DNER: variants seen among roughly 807,000 people sequenced by gnomAD.
The protein encoded by DNER is delta and Notch-like epidermal growth factor-related receptor.
A neutral mutation model predicts 78.2 loss-of-function variants in DNER; 33 were observed. The observed-to-expected ratio is 0.42, with a 90% CI of 0.32 to 0.56. DNER has a LOEUF of 0.56. DNER is among the 20% of genes least tolerant of loss of function. The pLI is 0.11. For synonymous variants in DNER, 417 were observed against 384.8 expected (o/e 1.08, Z -0.98); for missense variants, 918 against 975.3 (o/e 0.94, Z 0.78).
At chr2:229,514,511 T>C (rs1022193561) in intron 5 of DNER, among the ~76,000 whole-genome samples, 1 of 152,232 alleles carries the variant, frequency 6.6e-6, no homozygotes, top group Non-Finnish European at 1.5e-5. Context: ...GAATCATCTA[T>C]TGTTTTCATC....
chr2:229,368,555 T>C lies in DNER; in HGVS notation c.1856-1436A>G, dbSNP rs931476027. Among the ~76,000 whole-genome samples the C allele has an allele frequency of 2.0e-5, 3 of 152,212 alleles. No homozygotes were observed. In the East Asian group the frequency reaches 5.8e-4, roughly 29 times the overall value. ...AAGCATGTTACCAAACAGGATCTAC[T>C]TGGACAGTACAATAATTTCACAATA... On this transcript the variant is annotated intron_variant, in intron 11 of 12. Transcript: ENST00000341772.
chr2:229,673,359 G>C (rs182793777), intron 1 of DNER, among the ~76,000 whole-genome samples: 57 of 152,312 alleles, frequency 3.7e-4, no homozygotes, highest in Middle Eastern at 3.4e-3. Context: ...CAGTTCAGAA[G>C]TTCTCCCTTT....
chr2:229,431,971 G>A (rs1694016314), intron 8 of DNER, among the ~76,000 whole-genome samples: 1 of 151,830 alleles, frequency 6.6e-6, no homozygotes, highest in Non-Finnish European at 1.5e-5. Context: ...ATAAACATAT[G>A]GTGTCTACAG....
At chr2:229,552,226 C>T (rs1156683809) in intron 4 of DNER, among the ~76,000 whole-genome samples, 1 of 152,154 alleles carries the variant, frequency 6.6e-6, no homozygotes. Context: ...CAGTGAACCT[C>T]GCAGCCATGA....
chr2:229,673,124 G>C (rs1699238339), intron 1 of DNER, among the ~76,000 whole-genome samples: 1 of 152,192 alleles, frequency 6.6e-6, no homozygotes, highest in Non-Finnish European at 1.5e-5. Context: ...GCTACCTTAA[G>C]TCTGGCTTTC....
chr2:229,628,823 C>T (rs755309128), intron 1 of DNER, among the ~76,000 whole-genome samples: 15 of 152,244 alleles, frequency 9.9e-5, no homozygotes, highest in East Asian at 7.7e-4. Context: ...GTTGGAACCC[C>T]GGACATCAAA....
At chr2:229,408,384 A>G (rs142662413) in intron 9 of DNER, among the ~76,000 whole-genome samples, 1 of 152,166 alleles carries the variant, frequency 6.6e-6, no homozygotes, top group Admixed American at 6.5e-5. Context: ...AGATGGATGA[A>G]TAGATTAGTG....
intron 4 of DNER, among the ~76,000 whole-genome samples, chr2:229,556,052 T>C (rs923327104): frequency 2.6e-5 from 4 of 152,240 alleles, no homozygotes; most frequent in Non-Finnish European, 5.9e-5. Flanking sequence ...TAAAATGTTA[T>C]AGACAAGGCT....
chr2:229,460,207 T>C (rs1694666478), intron 7 of DNER, among the ~76,000 whole-genome samples: 1 of 127,960 alleles, frequency 7.8e-6, no homozygotes, highest in Admixed American at 7.5e-5. Context: ...TCCTAAGGAA[T>C]AAACATGTGC....
chr2:229,491,050 A>G (rs981206598), intron 6 of DNER, among the ~76,000 whole-genome samples: 2 of 152,210 alleles, frequency 1.3e-5, no homozygotes, highest in African/African-American at 4.8e-5. Context: ...TCATGCCCTC[A>G]GTGGCTTCCT....
intron 10 of DNER, among the ~76,000 whole-genome samples, chr2:229,394,329 G>A (rs1315017855): frequency 1.3e-5 from 2 of 151,748 alleles, no homozygotes; most frequent in Non-Finnish European, 1.5e-5. Flanking sequence ...TAATGGTGTG[G>A]GTGTGGGGAT....
Position 229,387,483 on chromosome 2 carries a change from A to AAAAGAAAG in DNER, c.1855+774_1855+781dup, listed in dbSNP as rs58243326. Among the ~76,000 whole-genome samples the AAAAGAAAG allele has an allele frequency of 6.8e-4, 76 of 111,622 alleles. 1 individual carries two copies. The highest frequency in any genetic ancestry group is 8.2e-4 in the Non-Finnish European group (42 of 51,278). 73.2% of individuals were successfully genotyped at this position (111,622 alleles called of 152,430 possible). ...CAGAACTTAAAGTATAATAGAAAGA[A>AAAAGAAAG]AAAGAAAGAAAGAAAGAAAGAAAGA... On this transcript the variant is annotated intron_variant, in intron 11 of 12. Coordinates refer to ENST00000341772, the MANE Select transcript of DNER (RefSeq NM_139072.4).
At chr2:229,557,086 G>A (rs571461904) in intron 4 of DNER, among the ~76,000 whole-genome samples, 1 of 152,326 alleles carries the variant, frequency 6.6e-6, no homozygotes, top group African/African-American at 2.4e-5. Flanking sequence ...CACATGCCAA[G>A]AGCAGGAACT....
At chr2:229,412,033 G>T (rs13020740) in intron 9 of DNER, among the ~76,000 whole-genome samples, 40,345 of 151,422 alleles carry the variant, frequency 0.27, 5,691 homozygotes, top group South Asian at 0.36. Context: ...TTTCTAAATT[G>T]TATCACCAAA....
At chr2:229,639,411 C>A (rs1039311277) in intron 1 of DNER, among the ~76,000 whole-genome samples, 1 of 152,054 alleles carries the variant, frequency 6.6e-6, no homozygotes, top group African/African-American at 2.4e-5. Flanking sequence ...TCCATCACCA[C>A]GCCTGGCTAA....
chr2:229,405,337 C>T (rs1233141700), intron 10 of DNER, among the ~76,000 whole-genome samples: 1 of 152,068 alleles, frequency 6.6e-6, no homozygotes, highest in East Asian at 1.9e-4. Context: ...TGTTTTTTCT[C>T]CTCTTAGAGA....
chr2:229,487,537 A>G (rs562384615), intron 6 of DNER, among the ~76,000 whole-genome samples: 1 of 152,268 alleles, frequency 6.6e-6, no homozygotes, highest in African/African-American at 2.4e-5. Flanking sequence ...AGTTGAAATC[A>G]AAAGAAAGAA....
chr2:229,458,372 T>C lies in DNER; in HGVS notation c.1262-10832A>G, dbSNP rs1320458260. ...CCTAATAAGAGAGCTTCAAAATACA[T>C]GAAAGAAAAACTGCTAGCAAGAGAA... On this transcript the variant is annotated intron_variant, in intron 7 of 12. Transcript: ENST00000341772. 2.6e-5 allele frequency among the ~76,000 whole-genome samples: 4 copies of C among 151,654 alleles called. No homozygotes were observed. The South Asian group carries it at 6.2e-4, about 24-fold the overall frequency.
chr2:229,661,175 G>C (rs546393676), intron 1 of DNER, among the ~76,000 whole-genome samples: 1 of 152,250 alleles, frequency 6.6e-6, no homozygotes, highest in Non-Finnish European at 1.5e-5. Context: ...ATGGCACTAA[G>C]TGTCTTTGCC....
Sources: allele counts gnomAD v4.1 joint callset (sites outside exome capture counted in the v4.1 genomes callset), GRCh38; gene constraint gnomAD v4.1.1; transcripts MANE v1.5; gene names NCBI Gene and HGNC (gene_info 2026-07-23, HGNC 2026-07-21).